JARID2: variants seen among roughly 807,000 people sequenced by gnomAD.
The protein encoded by JARID2 is jumonji and AT-rich interaction domain containing 2.
JARID2 carries 21 observed loss-of-function variants against 125.6 expected under a neutral mutation model. That is an observed-to-expected ratio of 0.17 (90% confidence interval 0.12 to 0.24). The LOEUF (loss-of-function observed/expected upper bound fraction) is 0.24. Among genes scored for constraint, JARID2 ranks in the 10% least tolerant of loss-of-function variants. JARID2 has a pLI of 1.00. For missense variants in JARID2, 1,303 were observed against 1,639.6 expected, an observed-to-expected ratio of 0.79 and a Z score of 3.55; for synonymous variants, 736 against 661.6, an observed-to-expected ratio of 1.11 and a Z score of -1.73.
intron 7 of JARID2, among the ~76,000 whole-genome samples, chr6:15,498,750 G>C (rs1474060120): frequency 1.3e-5 from 2 of 152,240 alleles, no homozygotes; most frequent in Non-Finnish European, 2.9e-5. Flanking sequence ...TTCTTGGTTT[G>C]TGCTCTGCTG....
intron 1 of JARID2, chr6:15,248,139 C>A (rs1486469418): frequency 3.1e-6 from 3 of 960,840 alleles, no homozygotes; most frequent in Non-Finnish European, 3.7e-6. Flanking sequence ...CCGTGGCTGG[C>A]GGCGGCTGCG....
chr6:15,253,145 C>T (rs547807827), intron 1 of JARID2, among the ~76,000 whole-genome samples: 28 of 152,100 alleles, frequency 1.8e-4, no homozygotes, highest in Middle Eastern at 3.4e-3. Flanking sequence ...TTCACTGCAG[C>T]CTCCAGCTCC....
intron 1 of JARID2, among the ~76,000 whole-genome samples, chr6:15,250,578 T>A (rs1460219180): frequency 6.6e-6 from 1 of 152,206 alleles, no homozygotes; most frequent in Non-Finnish European, 1.5e-5. Flanking sequence ...AAGTCCAAAG[T>A]GTCACTAAAA....
rs2127765025 is a variant in JARID2 at position 15,512,190 on chromosome 6, C to A, written c.2953-18C>A. 2 of 1,610,178 alleles carry A rather than the reference C, an allele frequency of 1.2e-6. No individual in the cohort carries two copies. Among genetic ancestry groups the A allele is most frequent in the Non-Finnish European group, 1.7e-6 (2 of 1,177,388 alleles). The stretch of plus-strand genomic sequence containing the variant: ...TGCGCACAGGGAGGGGTGCCTCAGC[C>A]TGGCCCTGTCTCCCCAGATCTCCCC... On this transcript the variant is annotated intron_variant, in intron 13 of 17. Transcript: ENST00000341776.
At chr6:15,408,645 T>C (rs1765748538) in intron 2 of JARID2, among the ~76,000 whole-genome samples, 1 of 152,222 alleles carries the variant, frequency 6.6e-6, no homozygotes, top group Non-Finnish European at 1.5e-5. Context: ...CCAAAACATT[T>C]CCACAATTAA....
At chr6:15,448,171 G>T (rs938859544) in intron 3 of JARID2, among the ~76,000 whole-genome samples, 1 of 152,166 alleles carries the variant, frequency 6.6e-6, no homozygotes, top group African/African-American at 2.4e-5. Context: ...TCTCACAAAT[G>T]TTTAATCACT....
At chr6:15,447,836 C>G (rs537966321) in intron 3 of JARID2, among the ~76,000 whole-genome samples, 1 of 152,366 alleles carries the variant, frequency 6.6e-6, no homozygotes, top group East Asian at 1.9e-4. Context: ...CCCCAGGCTT[C>G]TGCTGCTCCT....
intron 1 of JARID2, among the ~76,000 whole-genome samples, chr6:15,288,426 C>T (rs1761083251): frequency 6.6e-6 from 1 of 152,206 alleles, no homozygotes; most frequent in Non-Finnish European, 1.5e-5. Context: ...GACCCAGACA[C>T]TTCCTGCCAG....
chr6:15,431,405 A>G (rs1766960610), intron 3 of JARID2, among the ~76,000 whole-genome samples: 1 of 152,076 alleles, frequency 6.6e-6, no homozygotes, highest in South Asian at 2.1e-4. Context: ...GGTTTTGGGA[A>G]TTGTTTGAGG....
chr6:15,448,030 A>G (rs1320768943), intron 3 of JARID2, among the ~76,000 whole-genome samples: 1 of 152,198 alleles, frequency 6.6e-6, no homozygotes, highest in East Asian at 1.9e-4. Context: ...TGGGGCTCTT[A>G]ATCCCCACGG....
chr6:15,486,742 C>T (rs538664187), intron 5 of JARID2, among the ~76,000 whole-genome samples: 11 of 151,612 alleles, frequency 7.3e-5, no homozygotes, highest in South Asian at 4.2e-4. Context: ...AGCTGCGCCC[C>T]GAACTCATGC....
intron 1 of JARID2, among the ~76,000 whole-genome samples, chr6:15,272,824 C>T (rs542744285): frequency 2.0e-4 from 30 of 152,262 alleles, no homozygotes; most frequent in South Asian, 4.1e-4. Flanking sequence ...CTCAATTTTG[C>T]GTGGCACTGG....
intron 1 of JARID2, among the ~76,000 whole-genome samples, chr6:15,346,084 T>C (rs1041058826): frequency 1.3e-5 from 2 of 152,242 alleles, no homozygotes; most frequent in Non-Finnish European, 2.9e-5. Flanking sequence ...TTGTCAGATG[T>C]AGATTGGACG....
chr6:15,514,498 T>C (rs547942031), intron 16 of JARID2, among the ~76,000 whole-genome samples: 167 of 152,314 alleles, frequency 1.1e-3, no homozygotes, highest in African/African-American at 3.6e-3. Flanking sequence ...TGCTTGTCCA[T>C]GGTGGGCCAG....
At chr6:15,279,234 C>T (rs1278040227) in intron 1 of JARID2, among the ~76,000 whole-genome samples, 2 of 152,140 alleles carry the variant, frequency 1.3e-5, no homozygotes, top group African/African-American at 4.8e-5. Context: ...TGTATTCTGA[C>T]TCACAGCTAG....
chr6:15,494,413 CTTTTTTTTT>C (rs60218567), intron 6 of JARID2, among the ~76,000 whole-genome samples: 1 of 80,596 alleles, frequency 1.2e-5, no homozygotes, highest in Non-Finnish European at 2.2e-5. Flanking sequence ...TTTGGCAAGT[CTTTTTTTTT>C]TTTTTTTTTT....
At chr6:15,390,420 C>G (rs572037780) in intron 2 of JARID2, among the ~76,000 whole-genome samples, 1 of 152,146 alleles carries the variant, frequency 6.6e-6, no homozygotes. Context: ...GCTCTGTCCA[C>G]GTTGTGCAGC....
intron 2 of JARID2, among the ~76,000 whole-genome samples, chr6:15,378,611 T>C (rs926645741): frequency 6.6e-6 from 1 of 152,192 alleles, no homozygotes. Context: ...AGTAGCAGAA[T>C]TGGAATTGCA....
chr6:15,428,474 A>C (rs139918475), intron 3 of JARID2, among the ~76,000 whole-genome samples: 2 of 151,942 alleles, frequency 1.3e-5, no homozygotes, highest in Non-Finnish European at 2.9e-5. Context: ...CCTGTGTCCA[A>C]GTGTTCTCAT....
Sources: gnomAD v4.1 joint callset for allele counts (sites outside exome capture counted in the v4.1 genomes callset) on GRCh38, gnomAD v4.1.1 for gene constraint, MANE v1.5 for transcripts, NCBI Gene and HGNC (gene_info 2026-07-23, HGNC 2026-07-21) for gene names.